The following ADAT1 variants were observed in gnomAD, a reference collection of about 807,000 sequenced individuals.
The protein encoded by ADAT1 is tRNA-specific adenosine deaminase 1.
Under a neutral mutation model 58.6 loss-of-function variants are expected in ADAT1, and 58 were observed. That is an observed-to-expected ratio of 0.99 (90% CI 0.80 to 1.23). The LOEUF (loss-of-function observed/expected upper bound fraction) is 1.23. Among genes scored for constraint, ADAT1 ranks in the 50% most tolerant of loss-of-function variants. ADAT1 has a pLI of 0.00. For missense variants in ADAT1, 741 were observed against 608.6 expected, an observed-to-expected ratio of 1.22 and a Z score of -2.29; for synonymous variants, 254 against 220.8, an observed-to-expected ratio of 1.15 and a Z score of -1.33.
intron 5 of ADAT1, 63 bp from the exon 6 acceptor site, chr16:75,612,924 T>C: frequency 6.5e-7 from 1 of 1,538,526 alleles, no homozygotes; most frequent in Non-Finnish European, 8.7e-7. Flanking sequence ...CCAGCCACAA[T>C]GGGATCTCTT....
rs1172272263 is a variant in ADAT1 at position 75,623,022 on chromosome 16, C to T, written c.-641G>A. On this transcript the variant is annotated 5_prime_UTR_variant, in exon 1 of 10. Coordinates refer to ENST00000564657, the MANE Select transcript of ADAT1 (RefSeq NM_001324445.2). ...AGTGAGAACAGCGTGAGCGCCTGAT[C>T]CATTGGGTCCTGCGGCTGCCAGGCC... The T allele has an allele frequency of 6.6e-6, 1 of 151,314 alleles. No individual in the cohort carries two copies. Among genetic ancestry groups the T allele is most frequent in the Non-Finnish European group, 1.5e-5 (1 of 68,042 alleles). 9.4% of individuals were successfully genotyped at this position (151,314 alleles called of 1,614,324 possible).
At chr16:75,604,512 CACACACATAT>C (rs1327426513) in intron 8 of ADAT1, among the ~76,000 whole-genome samples, 9 of 130,176 alleles carry the variant, frequency 6.9e-5, no homozygotes, top group South Asian at 2.5e-4. Flanking sequence ...CACACACACA[CACACACATAT>C]ATACATATAT....
In ADAT1 at chr16:75,597,280, C is replaced by T; in HGVS notation, c.*2936G>A. 6 of 383,124 alleles carry T rather than the reference C, an allele frequency of 1.6e-5. No individual in the cohort carries two copies. The highest frequency in any genetic ancestry group is 1.2e-4 in the South Asian group (6 of 49,966). 23.7% of individuals were successfully genotyped at this position (383,124 alleles called of 1,614,324 possible). A position where few individuals can be genotyped will look rare whatever the true frequency, so the allele number is the denominator to read the frequency against. On this transcript the variant is annotated 3_prime_UTR_variant, in exon 10 of 10. Coordinates refer to ENST00000564657, the MANE Select transcript of ADAT1 (RefSeq NM_001324445.2). The stretch of plus-strand genomic sequence containing the variant: ...TAAGTAGGCCATGGAAAGACACAGA[C>T]ACAGGGAAGAAGGCCATGCGAGACA...
At position 75,602,202 on chromosome 16, in the gene ADAT1, A is replaced by T. The variant is rs375423860; in HGVS notation, c.1376+883T>A. Among the ~76,000 whole-genome samples the T allele has an allele frequency of 4.6e-5, 7 of 152,352 alleles. No individual in the cohort carries two copies. In the East Asian group the frequency reaches 5.8e-4, roughly 13 times the overall value. On this transcript the variant is annotated intron_variant, in intron 9 of 9. Transcript: ENST00000564657. Reference sequence around the variant, plus strand: ...TAAGTTCAATCACATCATGTGGCCAATAATTCAATCAGTCATAATAGTTAA... The same window carrying T: ...TAAGTTCAATCACATCATGTGGCCATTAATTCAATCAGTCATAATAGTTAA...
rs760201804 is a variant in ADAT1 at position 75,612,376 on chromosome 16, C to A, written c.910G>T (p.Ala304Ser). 4 of 1,614,234 alleles carry A rather than the reference C, an allele frequency of 2.5e-6. No homozygotes were observed. The highest frequency in any genetic ancestry group is 2.5e-6 in the Non-Finnish European group (3 of 1,180,050). The change falls in exon 6 of 10, where the codon GCC becomes TCC. Residue 304 changes from alanine to serine, a missense_variant. Physicochemically the swap from Ala to Ser is moderately conservative, Grantham distance 99. Transcript: ENST00000564657. ...TGGCATCCGAGGACGTTCCATCGGG[C>A]CATCTTGTCACTACAGGACATGGAG... Reference protein sequence around the residue: ...TRSMSCSDKMARWNVLGCQGA... With the variant: ...TRSMSCSDKMSRWNVLGCQGA...
At position 75,599,569 on chromosome 16, in the gene ADAT1, T is replaced by G; in HGVS notation, c.*647A>C. ...TTCTTTGCTGGCTTTCTCTAGGTAG[T>G]AGGAAAAGATGGCCACCGGCAGTCC... On this transcript the variant is annotated 3_prime_UTR_variant, in exon 10 of 10. Coordinates refer to ENST00000564657, the MANE Select transcript of ADAT1 (RefSeq NM_001324445.2). 1.0e-6 allele frequency: 1 copy of G among 985,918 alleles called. No individual in the cohort carries two copies. Among genetic ancestry groups the G allele is most frequent in the South Asian group, 4.7e-5 (1 of 21,282 alleles). The allele number at this position is 985,918 out of a possible 1,614,324, so 61.1% of individuals were successfully genotyped here.
rs1416145004 is a variant in ADAT1, at chr16:75,622,864, T to G, written c.-483A>C. The stretch of plus-strand genomic sequence containing the variant: ...CAGCGATGCTTGGAGGAAGGGACTC[T>G]GGTTTACGCTGGCTCCCTTCCTAAA... On this transcript the variant is annotated 5_prime_UTR_variant, in exon 1 of 10. Coordinates refer to ENST00000564657, the MANE Select transcript of ADAT1 (RefSeq NM_001324445.2). 6.6e-6 allele frequency: 1 copy of G among 152,208 alleles called. No homozygotes were observed. Among genetic ancestry groups the G allele is most frequent in the Non-Finnish European group, 1.5e-5 (1 of 68,034 alleles). 9.4% of individuals were successfully genotyped at this position (152,208 alleles called of 1,614,324 possible).
intron 1 of ADAT1, 24 bp from the exon 2 acceptor site, chr16:75,620,844 A>C: frequency 5.1e-6 from 8 of 1,583,848 alleles, no homozygotes; most frequent in Non-Finnish European, 6.9e-6. Flanking sequence ...CACAACCATC[A>C]GAAGTACGGA....
Position 75,620,352 on chromosome 16 carries a change from A to G in ADAT1, c.170-18T>C. 6.2e-7 allele frequency: 1 copy of G among 1,613,646 alleles called. No homozygotes were observed. Among genetic ancestry groups the G allele is most frequent in the South Asian group, 1.1e-5 (1 of 91,054 alleles). Reference sequence around the variant, plus strand: ...CTTTGTCACTGTGGGAAAAAAACAAATCGTGTGAGTTCTGAGAAACGGAAT... The same window carrying G: ...CTTTGTCACTGTGGGAAAAAAACAAGTCGTGTGAGTTCTGAGAAACGGAAT... On this transcript the variant is annotated intron_variant, in intron 2 of 9. Coordinates refer to ENST00000564657, the MANE Select transcript of ADAT1 (RefSeq NM_001324445.2).
chr16:75,618,680 G>T, intron 3 of ADAT1, 40 bp from the exon 4 acceptor site: 1 of 1,608,724 alleles, frequency 6.2e-7, no homozygotes, highest in South Asian at 1.1e-5. Flanking sequence ...ACATATGGAA[G>T]CTGGAGAGGG....
rs559210453 is a variant in ADAT1 at position 75,617,351 on chromosome 16, A to C, written c.294-79T>G. ...AAAGCCTCTGGTTGGGTGATTACTA[A>C]GACAGCTTACTGTAGACTAATGGGA... On this transcript the variant is annotated intron_variant, in intron 4 of 9. Transcript: ENST00000564657. 3.2e-5 allele frequency: 48 copies of C among 1,512,468 alleles called. No homozygotes were observed. The Middle Eastern group carries it at 5.3e-4, about 17-fold the overall frequency. 93.7% of individuals were successfully genotyped at this position (1,512,468 alleles called of 1,614,324 possible). A position where few individuals can be genotyped will look rare whatever the true frequency, so the allele number is the denominator to read the frequency against.
chr16:75,607,501 C>CAAA (rs200929671), intron 8 of ADAT1, among the ~76,000 whole-genome samples: 2 of 102,206 alleles, frequency 2.0e-5, no homozygotes, highest in Non-Finnish European at 4.2e-5. Context: ...GACTCTATCT[C>CAAA]AAAAAAAAAA....
chr16:75,612,656 G>T lies in ADAT1; in HGVS notation c.630C>A (p.Asn210Lys), dbSNP rs150701854. ...EPGTAAREVT[N>K]GAAHHQSFGK... is the part of the protein sequence containing the mutation. The stretch of plus-strand genomic sequence containing the variant: ...CAAAACTCTGATGGTGAGCTGCTCC[G>T]TTGGTGACCTCCCTGGCTGCAGTCC... Residue 210 changes from asparagine (N) to lysine (K), a missense_variant, in exon 6 of 10, where the codon AAC becomes AAA. Coordinates refer to ENST00000564657, the MANE Select transcript of ADAT1 (RefSeq NM_001324445.2). 2.0e-5 allele frequency: 33 copies of T among 1,614,042 alleles called. No individual in the cohort carries two copies. Among genetic ancestry groups the T allele is most frequent in the Non-Finnish European group, 2.6e-5 (31 of 1,180,016 alleles).
At position 75,597,471 on chromosome 16, in the gene ADAT1, C is replaced by CTA; in HGVS notation, c.*2744_*2745insTA. The CTA allele has an allele frequency of 2.4e-6, 1 of 410,300 alleles. No individual in the cohort carries two copies. Among genetic ancestry groups the CTA allele is most frequent in the South Asian group, 1.8e-5 (1 of 56,716 alleles). The allele number at this position is 410,300 out of a possible 1,614,324, so 25.4% of individuals were successfully genotyped here. ...AAGTCTTCCTTAGAGCAGCAGTCCCCAACCTTTTTGGCACCAGGGACTGGT... is the reference window on the plus strand; with the variant it reads ...AAGTCTTCCTTAGAGCAGCAGTCCCCTAAACCTTTTTGGCACCAGGGACTGGT... On this transcript the variant is annotated 3_prime_UTR_variant, in exon 10 of 10. Coordinates refer to ENST00000564657, the MANE Select transcript of ADAT1 (RefSeq NM_001324445.2).
chr16:75,602,961 G>T (rs924752923), intron 9 of ADAT1, 124 bp downstream of exon 9: 19 of 784,556 alleles, frequency 2.4e-5, no homozygotes, highest in Non-Finnish European at 4.1e-5. Flanking sequence ...AAGAACTTGT[G>T]GTCAACAATA....
intron 1 of ADAT1, among the ~76,000 whole-genome samples, chr16:75,622,119 C>G (rs1367377536): frequency 2.0e-5 from 3 of 152,160 alleles, no homozygotes; most frequent in African/African-American, 7.2e-5. Context: ...CACTGCACTC[C>G]AGGCTGGGTG....
chr16:75,620,182 T>C (rs953353058), intron 3 of ADAT1, 84 bp downstream of exon 3: 5 of 1,352,636 alleles, frequency 3.7e-6, no homozygotes, highest in Non-Finnish European at 5.3e-6. Context: ...TCAACTGACA[T>C]GGCCCCTCTT....
At position 75,620,762 on chromosome 16, in the gene ADAT1, T is replaced by A; in HGVS notation, c.38A>T (p.Glu13Val). ...CTTGGGCAGCCTGATCCCATAGTGT[T>A]CATAGCATAGCTGAGCAATCTCATC... is the stretch of plus-strand genomic sequence containing the variant. ...TADEIAQLCYEHYGIRLPKKG... is the reference protein window; with the variant it reads ...TADEIAQLCYVHYGIRLPKKG... The change falls in exon 2 of 10, where the codon GAA becomes GTA. Residue 13 changes from glutamate (E) to valine (V), a missense_variant. By Grantham distance (121) the Glu-to-Val change is moderately radical. Transcript: ENST00000564657. 1 of 1,614,170 alleles carries A rather than the reference T, an allele frequency of 6.2e-7. No homozygotes were observed. Among genetic ancestry groups the A allele is most frequent in the Non-Finnish European group, 8.5e-7 (1 of 1,180,020 alleles).
rs755415110 is a variant in ADAT1, at chr16:75,608,972, C to G, written c.1060G>C (p.Ala354Pro). 6.8e-6 allele frequency: 11 copies of G among 1,614,034 alleles called. No homozygotes were observed. In the Admixed American group the frequency reaches 1.3e-4, roughly 20 times the overall value. Residue 354 changes from alanine (A) to proline (P), a missense_variant, in exon 7 of 10, where the codon GCT (alanine) becomes CCT (proline). Ala to Pro is a conservative substitution (Grantham distance 27, BLOSUM62 -1). Transcript: ENST00000564657. The stretch of plus-strand genomic sequence containing the variant: ...TGAACTCCGAAGCCTTTTGGTAAAG[C>G]AGACACATTCTGACACCTAAATACA... ...ALIGRCQNVSALPKGFGVQEL... is the reference protein window; with the variant it reads ...ALIGRCQNVSPLPKGFGVQEL...
Sources: gnomAD v4.1 joint callset for allele counts (sites outside exome capture counted in the v4.1 genomes callset) on GRCh38, gnomAD v4.1.1 for gene constraint, MANE v1.5 for transcripts, NCBI Gene and HGNC (gene_info 2026-07-23, HGNC 2026-07-21) for gene names.